Variants in SPAG16 observed in about 807,000 individuals in gnomAD.
SPAG16 encodes sperm-associated antigen 16 protein.
A neutral mutation model predicts 80.4 loss-of-function variants in SPAG16; 86 were observed. The ratio of observed to expected loss-of-function variants is 1.07; its 90% CI spans 0.90 to 1.28. The LOEUF is 1.28. Among genes scored for constraint, SPAG16 ranks in the 50% most tolerant of loss-of-function variants. The pLI is 0.00. For synonymous variants in SPAG16, 294 were observed against 265.9 expected (o/e 1.11, Z -1.03); for missense variants, 870 against 765.3 (o/e 1.14, Z -1.61).
At chr2:213,533,497 G>A (rs2076142552) in intron 10 of SPAG16, among the ~76,000 whole-genome samples, 1 of 152,178 alleles carries the variant, frequency 6.6e-6, no homozygotes, top group African/African-American at 2.4e-5. Flanking sequence ...TTATTATGGA[G>A]TCCCTGCAAC....
chr2:213,686,990 C>A (rs924860788), intron 10 of SPAG16, among the ~76,000 whole-genome samples: 1 of 151,910 alleles, frequency 6.6e-6, no homozygotes, highest in Non-Finnish European at 1.5e-5. Flanking sequence ...GCTAACCCAC[C>A]ATTTTCTACT....
chr2:214,188,967 A>C (rs1451312657), intron 15 of SPAG16, among the ~76,000 whole-genome samples: 3 of 152,106 alleles, frequency 2.0e-5, no homozygotes, highest in Non-Finnish European at 2.9e-5. Flanking sequence ...GTAACATTTT[A>C]TACATAGCAA....
At chr2:213,530,147 A>T (rs1230272187) in intron 10 of SPAG16, among the ~76,000 whole-genome samples, 1 of 152,234 alleles carries the variant, frequency 6.6e-6, no homozygotes, top group Non-Finnish European at 1.5e-5. Context: ...CTTTTTAATA[A>T]GCTAGAGTAT....
intron 3 of SPAG16, among the ~76,000 whole-genome samples, chr2:213,299,429 C>G (rs934430601): frequency 1.1e-4 from 11 of 95,726 alleles, no homozygotes; most frequent in African/African-American, 3.5e-4. Flanking sequence ...TGCCACCACA[C>G]CGAGCTAATT....
chr2:213,911,835 C>CAA (rs10644766), intron 11 of SPAG16, among the ~76,000 whole-genome samples: 1,390 of 126,054 alleles, frequency 0.011, 14 homozygotes, highest in African/African-American at 0.024. Context: ...AAACAGTTAG[C>CAA]AAAAAAAAAA....
intron 12 of SPAG16, among the ~76,000 whole-genome samples, chr2:213,962,228 C>G (rs1267398865): frequency 6.7e-6 from 1 of 150,190 alleles, no homozygotes; most frequent in Non-Finnish European, 1.5e-5. Flanking sequence ...GAGTCTCACT[C>G]TGTTGCCCAG....
chr2:214,201,344 G>T (rs1254314553), intron 15 of SPAG16, among the ~76,000 whole-genome samples: 1 of 152,128 alleles, frequency 6.6e-6, no homozygotes, highest in Admixed American at 6.6e-5. Context: ...GGGAAATTAA[G>T]ATATATCCCA....
intron 12 of SPAG16, among the ~76,000 whole-genome samples, chr2:214,009,608 C>G (rs918221409): frequency 1.3e-5 from 2 of 152,036 alleles, no homozygotes; most frequent in African/African-American, 4.8e-5. Context: ...GAATGAGGGT[C>G]GTGAGGGAGG....
chr2:213,944,256 A>C (rs1176739637), intron 12 of SPAG16, among the ~76,000 whole-genome samples: 1 of 152,246 alleles, frequency 6.6e-6, no homozygotes, highest in South Asian at 2.1e-4. Flanking sequence ...TTTCTTGCCT[A>C]GCAGTGCTGC....
chr2:214,202,170 T>C (rs2058027503), intron 15 of SPAG16, among the ~76,000 whole-genome samples: 1 of 152,186 alleles, frequency 6.6e-6, no homozygotes, highest in Non-Finnish European at 1.5e-5. Context: ...TTATAACACG[T>C]TTATTTACTT....
intron 10 of SPAG16, among the ~76,000 whole-genome samples, chr2:213,860,792 G>A (rs559865538): frequency 8.5e-5 from 13 of 152,210 alleles, no homozygotes; most frequent in Admixed American, 5.2e-4. Flanking sequence ...AATGATTTTA[G>A]TTATCTTCAC....
rs1443993121 is a variant in SPAG16 at position 214,218,304 on chromosome 2, A to T, written c.1720+69038A>T. On this transcript the variant is annotated intron_variant, in intron 15 of 15. Coordinates refer to ENST00000331683, the MANE Select transcript of SPAG16 (RefSeq NM_024532.5). ...CTTAAACAGTCTGGGGGACCCCTAGAAGTCCTGAAGCCACCCTTGAGAATT... is the reference window on the plus strand; with the variant it reads ...CTTAAACAGTCTGGGGGACCCCTAGTAGTCCTGAAGCCACCCTTGAGAATT... Among the ~76,000 whole-genome samples, 4 of 152,204 alleles carry T rather than the reference A, an allele frequency of 2.6e-5. No individual in the cohort carries two copies. The East Asian group carries it at 7.7e-4, about 29-fold the overall frequency.
intron 10 of SPAG16, among the ~76,000 whole-genome samples, chr2:213,594,661 G>A (rs1016275947): frequency 2.0e-5 from 3 of 151,938 alleles, no homozygotes; most frequent in African/African-American, 7.3e-5. Context: ...AAATGTTATC[G>A]CAATTCATCA....
intron 15 of SPAG16, among the ~76,000 whole-genome samples, chr2:214,175,429 C>A (rs1325204643): frequency 6.6e-6 from 1 of 150,710 alleles, no homozygotes; most frequent in Non-Finnish European, 1.5e-5. Flanking sequence ...TACGTCTCAT[C>A]TCAAGATGAG....
At chr2:214,399,657 G>A (rs1469650488) in intron 15 of SPAG16, among the ~76,000 whole-genome samples, 1 of 151,964 alleles carries the variant, frequency 6.6e-6, no homozygotes, top group East Asian at 1.9e-4. Flanking sequence ...AATACTAAGG[G>A]TGGTTTTATT....
chr2:214,126,871 A>G (rs2054521806), intron 14 of SPAG16, among the ~76,000 whole-genome samples: 1 of 152,000 alleles, frequency 6.6e-6, no homozygotes, highest in South Asian at 2.1e-4. Context: ...TGTATAAAAC[A>G]TACATATATA....
rs779683379 is a variant in SPAG16, at chr2:213,313,134, C to T, written c.398+2957C>T. Among the ~76,000 whole-genome samples the T allele has an allele frequency of 2.0e-5, 3 of 151,772 alleles. No homozygotes were observed. The East Asian group carries it at 5.8e-4, about 29-fold the overall frequency. ...AGTTTAACACAGGAATGTAGTGACT[C>T]TTCTACATAACATAAAAGTTAGCAA... On this transcript the variant is annotated intron_variant, in intron 4 of 15. Transcript: ENST00000331683.
intron 9 of SPAG16, among the ~76,000 whole-genome samples, chr2:213,400,939 C>T (rs1454644848): frequency 1.3e-5 from 2 of 152,100 alleles, no homozygotes; most frequent in African/African-American, 4.8e-5. Context: ...TTCCAAGTAG[C>T]TGGGACTACA....
At chr2:213,551,952 A>G (rs1457510457) in intron 10 of SPAG16, among the ~76,000 whole-genome samples, 1 of 152,028 alleles carries the variant, frequency 6.6e-6, no homozygotes, top group Non-Finnish European at 1.5e-5. Flanking sequence ...TAGGCTTGGG[A>G]ATTCTATGCC....
Sources: gnomAD v4.1 joint callset for allele counts (sites outside exome capture counted in the v4.1 genomes callset) on GRCh38, gnomAD v4.1.1 for gene constraint, MANE v1.5 for transcripts, NCBI Gene and HGNC (gene_info 2026-07-23, HGNC 2026-07-21) for gene names.